Variants in SCN9A observed in about 807,000 individuals in gnomAD.
SCN9A encodes the protein sodium channel protein type 9 subunit alpha.
In SCN9A, 131 loss-of-function variants were observed where a neutral mutation model predicts 187.0. The observed-to-expected ratio is 0.70, with a 90% CI of 0.61 to 0.81. SCN9A has a LOEUF of 0.81. SCN9A is among the 30% of genes least tolerant of loss of function. The probability of loss-of-function intolerance (pLI) is 0.00; values close to 1 mark genes in which losing one functional copy is unlikely to be tolerated. For missense variants in SCN9A, 2,252 were observed against 2,396.6 expected (o/e 0.94, Z 1.26); for synonymous variants, 809 against 808.6 (o/e 1.00, Z -0.01).
intron 15 of SCN9A, chr2:166,277,793 C>T (rs1697302997): frequency 8.5e-6 from 2 of 235,824 alleles, no homozygotes; most frequent in Non-Finnish European, 1.6e-5. Flanking sequence ...ACAATTTGAT[C>T]TTTAATTACC....
At chr2:166,303,464 T>C (rs35542360) in intron 6 of SCN9A, among the ~76,000 whole-genome samples, 162 bp from the exon 7 acceptor site, 1 of 152,136 alleles carries the variant, frequency 6.6e-6, no homozygotes, top group Non-Finnish European at 1.5e-5. Flanking sequence ...ATATACTTTG[T>C]TTTTATATAT....
At chr2:166,251,347 G>A (rs1696027330) in intron 18 of SCN9A, among the ~76,000 whole-genome samples, 1 of 152,040 alleles carries the variant, frequency 6.6e-6, no homozygotes, top group South Asian at 2.1e-4. Flanking sequence ...TGAAACTAAG[G>A]AAAGGAAGAA....
intron 1 of SCN9A, among the ~76,000 whole-genome samples, chr2:166,332,613 C>A (rs1018966640): frequency 6.6e-6 from 1 of 152,010 alleles, no homozygotes; most frequent in Admixed American, 6.6e-5. Flanking sequence ...CAATATTGTT[C>A]CTATCATATT....
At chr2:166,354,303 C>G (rs577154533) in intron 1 of SCN9A, among the ~76,000 whole-genome samples, 20 of 151,908 alleles carry the variant, frequency 1.3e-4, no homozygotes, top group African/African-American at 2.4e-4. Flanking sequence ...TTAGTGACAT[C>G]GAAATACAAT....
chr2:166,253,304 C>A (rs779202598), intron 17 of SCN9A, among the ~76,000 whole-genome samples: 11 of 151,754 alleles, frequency 7.2e-5, no homozygotes, highest in Admixed American at 4.6e-4. Context: ...CTCCTCCAAT[C>A]TATGTTGGCC....
intron 18 of SCN9A, among the ~76,000 whole-genome samples, chr2:166,243,557 C>A (rs952244558): frequency 1.3e-5 from 2 of 151,788 alleles, no homozygotes; most frequent in African/African-American, 4.8e-5. Flanking sequence ...TGGGTTGAAT[C>A]AAAATATCAG....
chr2:166,301,444 T>C (rs1184785056), intron 7 of SCN9A: 2 of 150,892 alleles, frequency 1.3e-5, no homozygotes, highest in African/African-American at 5.0e-5. Context: ...CCTGCTCATG[T>C]TGCTGAGTTG....
intron 24 of SCN9A, among the ~76,000 whole-genome samples, chr2:166,207,121 T>G (rs1023569750): frequency 6.6e-6 from 1 of 152,218 alleles, no homozygotes; most frequent in Non-Finnish European, 1.5e-5. Context: ...TTATGTATAT[T>G]CTACATTAGT....
At chr2:166,279,700 A>T (rs1029224195) in intron 14 of SCN9A, among the ~76,000 whole-genome samples, 1 of 152,114 alleles carries the variant, frequency 6.6e-6, no homozygotes, top group Non-Finnish European at 1.5e-5. Flanking sequence ...GTTGATGATG[A>T]TGATAGCTTT....
chr2:166,321,793 C>CTT lies in SCN9A; in HGVS notation c.-50-9989_-50-9988dup, dbSNP rs142400656. ...CATTCCAATTATAGCCTGGCAAAAT[C>CTT]TTTTTTTTTTTTTTTTTTTGGTAAC... On this transcript the variant is annotated intron_variant, in intron 1 of 26. Transcript: ENST00000642356. 4.0e-4 allele frequency among the ~76,000 whole-genome samples: 47 copies of CTT among 118,774 alleles called. 1 individual carries two copies. Among genetic ancestry groups the CTT allele is most frequent in the Non-Finnish European group, 6.5e-4 (37 of 57,058 alleles). 77.9% of individuals were successfully genotyped at this position (118,774 alleles called of 152,430 possible). A position where few individuals can be genotyped will look rare whatever the true frequency, so the allele number is the denominator to read the frequency against.
At chr2:166,359,138 C>T (rs1297323996) in intron 1 of SCN9A, among the ~76,000 whole-genome samples, 1 of 151,990 alleles carries the variant, frequency 6.6e-6, no homozygotes, top group Non-Finnish European at 1.5e-5. Context: ...TTTAATTACC[C>T]TATTTGCATA....
intron 20 of SCN9A, among the ~76,000 whole-genome samples, chr2:166,237,051 T>C (rs1242362024): frequency 6.6e-6 from 1 of 152,110 alleles, no homozygotes; most frequent in African/African-American, 2.4e-5. Context: ...AAGGTTAGGT[T>C]TCTGAAAATC....
chr2:166,331,808 T>G (rs1699509626), intron 1 of SCN9A, among the ~76,000 whole-genome samples: 1 of 152,200 alleles, frequency 6.6e-6, no homozygotes, highest in Non-Finnish European at 1.5e-5. Context: ...CCTTGTAACT[T>G]TTGTTTCATA....
intron 1 of SCN9A, among the ~76,000 whole-genome samples, chr2:166,322,648 T>C (rs1699272589): frequency 6.6e-6 from 1 of 152,186 alleles, no homozygotes; most frequent in African/African-American, 2.4e-5. Flanking sequence ...TGGATAATTT[T>C]ATCATGCTTC....
At chr2:166,330,279 C>T (rs1336598757) in intron 1 of SCN9A, among the ~76,000 whole-genome samples, 1 of 152,058 alleles carries the variant, frequency 6.6e-6, no homozygotes, top group African/African-American at 2.4e-5. Context: ...CTCCATTGCC[C>T]CCATATCCCA....
At chr2:166,365,150 G>GCCCTGCC (rs1429194850) in intron 1 of SCN9A, among the ~76,000 whole-genome samples, 2 of 151,932 alleles carry the variant, frequency 1.3e-5, no homozygotes, top group Non-Finnish European at 1.5e-5. Context: ...TGTCTTATTA[G>GCCCTGCC]CCCTGCCCCC....
At chr2:166,253,833 A>AC in intron 17 of SCN9A, among the ~76,000 whole-genome samples, 1 of 151,588 alleles carries the variant, frequency 6.6e-6, no homozygotes, top group Middle Eastern at 3.4e-3. Flanking sequence ...AATACAAAGC[A>AC]CCCCCCTGCT....
Position 166,198,772 on chromosome 2 carries a change from G to A in SCN9A, c.5867C>T (p.Pro1956Leu). ...TGGCTTTGTTACACTATCATATGAA[G>A]GTGGAGAGGTGGTGGATGAAGTGGC... ...TDATSSTTSPPSYDSVTKPDK... is the reference protein window; with the variant it reads ...TDATSSTTSPLSYDSVTKPDK... The change falls in exon 27 of 27, where the codon CCT (proline) becomes CTT (leucine). Residue 1956 changes from proline to leucine, a missense_variant. Transcript: ENST00000642356. 6.2e-7 allele frequency: 1 copy of A among 1,613,474 alleles called. No homozygotes were observed. The highest frequency in any genetic ancestry group is 8.5e-7 in the Non-Finnish European group (1 of 1,179,574).
At chr2:166,340,613 T>C (rs1559051228) in intron 1 of SCN9A, among the ~76,000 whole-genome samples, 12 of 61,456 alleles carry the variant, frequency 2.0e-4, no homozygotes, top group Non-Finnish European at 2.0e-4. Flanking sequence ...TTTTTCTTTC[T>C]TTCTTTCCTT....
Sources: allele counts gnomAD v4.1 joint callset (sites outside exome capture counted in the v4.1 genomes callset), GRCh38; gene constraint gnomAD v4.1.1; transcripts MANE v1.5; gene names NCBI Gene and HGNC (gene_info 2026-07-23, HGNC 2026-07-21).